Variants in KLF7 observed in about 807,000 individuals in gnomAD.
The protein encoded by KLF7 is KLF transcription factor 7, also known as Krueppel-like factor 7.
Under a neutral mutation model 27.3 loss-of-function variants are expected in KLF7, and 2 were observed. That is an observed-to-expected ratio of 0.07 (90% confidence interval 0.03 to 0.23). The LOEUF is 0.23. Among genes scored for constraint, KLF7 ranks in the 10% least tolerant of loss-of-function variants. The pLI, the probability that KLF7 is intolerant of heterozygous loss-of-function variation, is 1.00. For synonymous variants in KLF7, 165 were observed against 162.4 expected (o/e 1.02, Z -0.12); for missense variants, 221 against 394.1 (o/e 0.56, Z 3.72).
chr2:207,159,553 A>G (rs548303570), intron 1 of KLF7, among the ~76,000 whole-genome samples: 79 of 152,332 alleles, frequency 5.2e-4, no homozygotes, highest in African/African-American at 1.8e-3. Flanking sequence ...TCAATTTTGC[A>G]TTGCCCAAAT....
At chr2:207,137,894 A>G (rs1183571266) in intron 1 of KLF7, among the ~76,000 whole-genome samples, 1 of 152,202 alleles carries the variant, frequency 6.6e-6, no homozygotes, top group Non-Finnish European at 1.5e-5. Flanking sequence ...CATGTAAAGA[A>G]AAGTAAAATT....
upstream of KLF7, chr2:207,166,858 G>A: frequency 9.4e-7 from 1 of 1,062,106 alleles, no homozygotes; most frequent in Non-Finnish European, 1.1e-6. Flanking sequence ...CCACACAATG[G>A]GAGAGAACAA....
chr2:207,129,175 T>C (rs370465039), intron 1 of KLF7, among the ~76,000 whole-genome samples: 1 of 152,162 alleles, frequency 6.6e-6, no homozygotes, highest in South Asian at 2.1e-4. Context: ...TAAATTTGGA[T>C]AGAGAGTTCA....
At position 207,095,031 on chromosome 2, in the gene KLF7, C is replaced by CTTTTTTTTTTTTTTTTT. The variant is rs36091471; in HGVS notation, c.734-6467_734-6451dup. ...AACATTTGCCCTATTTGTTTTTATT[C>CTTTTTTTTTTTTTTTTT]TTTTTTTTTTTTTTTTTTTTTTTTT... On this transcript the variant is annotated intron_variant, in intron 2 of 3. Coordinates refer to ENST00000309446, the MANE Select transcript of KLF7 (RefSeq NM_003709.4). Among the ~76,000 whole-genome samples, 512 of 82,370 alleles carry CTTTTTTTTTTTTTTTTT rather than the reference C, an allele frequency of 6.2e-3. 1 individual carries two copies. Among genetic ancestry groups the CTTTTTTTTTTTTTTTTT allele is most frequent in the Non-Finnish European group, 6.9e-3 (322 of 46,404 alleles). The allele number at this position is 82,370 out of a possible 152,430, so 54.0% of individuals were successfully genotyped here. A position where few individuals can be genotyped will look rare whatever the true frequency, so the allele number is the denominator to read the frequency against.
At chr2:207,134,240 T>A in intron 1 of KLF7, 1 of 850,342 alleles carries the variant, frequency 1.2e-6, no homozygotes, top group Non-Finnish European at 1.8e-6. Flanking sequence ...TTGGGTTAAT[T>A]AATATACCCT....
At chr2:207,104,167 C>T (rs2076828167) in intron 2 of KLF7, among the ~76,000 whole-genome samples, 2 of 152,136 alleles carry the variant, frequency 1.3e-5, no homozygotes, top group African/African-American at 4.8e-5. Context: ...CTGCCCAGAG[C>T]CCATATACTA....
At chr2:207,099,448 C>T (rs1406787520) in intron 2 of KLF7, among the ~76,000 whole-genome samples, 1 of 150,928 alleles carries the variant, frequency 6.6e-6, no homozygotes, top group Non-Finnish European at 1.5e-5. Flanking sequence ...AATTTACTTT[C>T]CTGGATACAC....
chr2:207,157,408 G>A (rs1173986120), intron 1 of KLF7, among the ~76,000 whole-genome samples: 2 of 137,582 alleles, frequency 1.5e-5, no homozygotes, highest in African/African-American at 5.1e-5. Flanking sequence ...AGAAAATCAG[G>A]AAGGGGAGAG....
Position 207,134,275 on chromosome 2 carries a change from C to G in KLF7, c.103-9871G>C, listed in dbSNP as rs946096556. On this transcript the variant is annotated intron_variant, in intron 1 of 3. Transcript: ENST00000309446. ...TTCCCCTACCCCCATAAAAAACACA[C>G]AGACACATACGATTACTTCTTGTAC... 31 of 621,660 alleles carry G rather than the reference C, an allele frequency of 5.0e-5. No individual in the cohort carries two copies. In the Admixed American group the frequency reaches 1.0e-3, roughly 20 times the overall value. 38.5% of individuals were successfully genotyped at this position (621,660 alleles called of 1,614,324 possible).
At chr2:207,155,167 A>G (rs1054219409) in intron 1 of KLF7, among the ~76,000 whole-genome samples, 1 of 152,234 alleles carries the variant, frequency 6.6e-6, no homozygotes, top group African/African-American at 2.4e-5. Context: ...AAATGGGGAT[A>G]AATAGAATAC....
chr2:207,170,675 C>T (rs868823795), upstream of KLF7, among the ~76,000 whole-genome samples: 12 of 152,140 alleles, frequency 7.9e-5, no homozygotes, highest in Middle Eastern at 3.2e-3. Context: ...AATTATACTA[C>T]ATCTACTCTA....
At chr2:207,157,234 A>AAAAAAAAAAAAAC (rs2078412170) in intron 1 of KLF7, among the ~76,000 whole-genome samples, 1 of 151,580 alleles carries the variant, frequency 6.6e-6, no homozygotes, top group Non-Finnish European at 1.5e-5. Context: ...AAAAAAAAAA[A>AAAAAAAAAAAAAC]AAAAAAAGAA....
chr2:207,166,308 C>G (rs1024090196), upstream of KLF7: 19 of 416,984 alleles, frequency 4.6e-5, no homozygotes, highest in Non-Finnish European at 5.8e-5. Context: ...GCGGATCTCC[C>G]TGCTGCCTTA....
upstream of KLF7, chr2:207,165,971 CTTTA>C (rs1322271875): frequency 9.9e-7 from 1 of 1,005,450 alleles, no homozygotes; most frequent in Non-Finnish European, 1.2e-6. Flanking sequence ...AATCTTTGCT[CTTTA>C]TTTTGGGAGG....
chr2:207,126,663 C>T (rs1196712059), intron 1 of KLF7, among the ~76,000 whole-genome samples: 2 of 152,128 alleles, frequency 1.3e-5, no homozygotes, highest in Non-Finnish European at 1.5e-5. Context: ...ATTTGCCGGG[C>T]GCAGTGGCTT....
chr2:207,111,923 C>T (rs1235066687), intron 2 of KLF7, among the ~76,000 whole-genome samples: 1 of 152,102 alleles, frequency 6.6e-6, no homozygotes, highest in African/African-American at 2.4e-5. Flanking sequence ...GTGAAGAGGG[C>T]TGGGTAAGAC....
chr2:207,102,617 T>C (rs1307282004), intron 2 of KLF7, among the ~76,000 whole-genome samples: 1 of 152,218 alleles, frequency 6.6e-6, no homozygotes, highest in Non-Finnish European at 1.5e-5. Flanking sequence ...AACTACAATG[T>C]ACTAGGATGT....
chr2:207,171,092 G>T (rs918999483), upstream of KLF7, among the ~76,000 whole-genome samples: 4 of 150,460 alleles, frequency 2.7e-5, no homozygotes, highest in Non-Finnish European at 3.0e-5. Context: ...TGTGGAAGAG[G>T]TCAGAATATC....
Position 207,082,319 on chromosome 2 carries a change from G to A in KLF7, c.858-1055C>T, listed in dbSNP as rs772718781. On this transcript the variant is annotated intron_variant, in intron 3 of 3. Coordinates refer to ENST00000309446, the MANE Select transcript of KLF7 (RefSeq NM_003709.4). ...AAGCTCTCTTTCCACTGGGATCCTGGAGTGACTGGTGTCTATACTGCCCTT... is the reference window on the plus strand; with the variant it reads ...AAGCTCTCTTTCCACTGGGATCCTGAAGTGACTGGTGTCTATACTGCCCTT... 5.3e-5 allele frequency among the ~76,000 whole-genome samples: 8 copies of A among 152,272 alleles called. No individual in the cohort carries two copies. In the East Asian group the frequency reaches 1.2e-3, roughly 22 times the overall value.
Sources: gnomAD v4.1 joint callset for allele counts (sites outside exome capture counted in the v4.1 genomes callset) on GRCh38, gnomAD v4.1.1 for gene constraint, MANE v1.5 for transcripts, NCBI Gene and HGNC (gene_info 2026-07-23, HGNC 2026-07-21) for gene names.